Variants in TBX3 observed in about 807,000 individuals in gnomAD.
The protein encoded by TBX3 is T-box transcription factor 3.
TBX3 carries 11 observed loss-of-function variants against 47.8 expected under a neutral mutation model. The observed-to-expected ratio is 0.23, with a 90% CI of 0.14 to 0.38. The LOEUF (loss-of-function observed/expected upper bound fraction) is 0.38, where lower values mean the gene tolerates loss of function less well. Among genes scored for constraint, TBX3 ranks in the 10% least tolerant of loss-of-function variants. The pLI is 1.00. For synonymous variants in TBX3, 500 were observed against 449.3 expected (o/e 1.11, Z -1.43); for missense variants, 927 against 1,022.8 (o/e 0.91, Z 1.28).
intron 5 of TBX3, among the ~76,000 whole-genome samples, chr12:114,675,627 G>A (rs997168991): frequency 1.5e-5 from 2 of 134,590 alleles, no homozygotes; most frequent in Admixed American, 8.2e-5. Flanking sequence ...GTTTCTTCCC[G>A]TTGAGAGTGT....
intron 2 of TBX3, 23 bp downstream of exon 2, chr12:114,680,856 C>T (rs2121152842): frequency 1.1e-5 from 18 of 1,614,104 alleles, no homozygotes; most frequent in Middle Eastern, 1.6e-4. Flanking sequence ...GAAAATTTTA[C>T]TGAAGAGAGC....
chr12:114,674,886 T>C (rs1868640303), intron 5 of TBX3, 51 bp from the exon 6 acceptor site: 3 of 1,538,556 alleles, frequency 1.9e-6, no homozygotes, highest in African/African-American at 1.4e-5. Context: ...ATCTCCAGTA[T>C]GAGCCAACGG....
In TBX3 at chr12:114,680,992, T is replaced by C. The variant is rs945423833; in HGVS notation, c.544A>G (p.Lys182Glu). 1.9e-5 allele frequency: 30 copies of C among 1,614,052 alleles called. No individual in the cohort carries two copies. Among genetic ancestry groups the C allele is most frequent in the Non-Finnish European group, 2.5e-5 (29 of 1,180,046 alleles). Reference sequence around the variant, plus strand: ...CTGTCCGGGTGAATGTACATCCTCTTTGGCATTTCGGGGTCGGCCTTACCA... The same window carrying C: ...CTGTCCGGGTGAATGTACATCCTCTCTGGCATTTCGGGGTCGGCCTTACCA... ...VAGKADPEMPKRMYIHPDSPA... is the reference protein window; with the variant it reads ...VAGKADPEMPERMYIHPDSPA... Residue 182 changes from lysine (K) to glutamate (E), a missense_variant, in exon 2 of 7, where the codon AAG (lysine) becomes GAG (glutamate). This residue lies in a region of TBX3 where 216 missense variants were observed against 281.2 expected (regional missense o/e 0.77). Transcript: ENST00000349155.
chr12:114,673,384 T>TC (rs929331702), intron 6 of TBX3, among the ~76,000 whole-genome samples: 2 of 151,848 alleles, frequency 1.3e-5, no homozygotes, highest in African/African-American at 4.8e-5. Flanking sequence ...GCCTGAGACC[T>TC]CCCCCCAGCA....
intron 2 of TBX3, 150 bp from the exon 3 acceptor site, chr12:114,679,801 T>A: frequency 6.5e-7 from 1 of 1,530,628 alleles, no homozygotes; most frequent in Admixed American, 1.7e-5. Context: ...CCTGGGTACG[T>A]TTCGCTCCAC....
intron 1 of TBX3, 78 bp from the exon 2 acceptor site, chr12:114,681,224 T>C: frequency 1.3e-6 from 2 of 1,573,646 alleles, no homozygotes; most frequent in South Asian, 1.1e-5. Context: ...ATGTATCACA[T>C]AATATTGAAA....
Position 114,680,975 on chromosome 12 carries a change from G to A in TBX3, c.561C>T (p.His187=), listed in dbSNP as rs760101710. The change falls in exon 2 of 7, where the codon CAC becomes CAT. Residue 187 remains histidine (H), a synonymous_variant. Coordinates refer to ENST00000349155, the MANE Select transcript of TBX3 (RefSeq NM_005996.4). ...GTTCCCCAGTAGCGGGGCTGTCCGG[G>A]TGAATGTACATCCTCTTTGGCATTT... The part of the protein sequence containing the change: ...DPEMPKRMYI[H]PDSPATGEQW... The A allele has an allele frequency of 1.2e-6, 2 of 1,614,112 alleles. No individual in the cohort carries two copies. Among genetic ancestry groups the A allele is most frequent in the Admixed American group, 1.7e-5 (1 of 60,010 alleles).
intron 4 of TBX3, among the ~76,000 whole-genome samples, chr12:114,677,290 CTTAAA>C (rs1441347430): frequency 6.6e-6 from 1 of 152,194 alleles, no homozygotes; most frequent in Non-Finnish European, 1.5e-5. Context: ...CTAGGATGAA[CTTAAA>C]TTAATTAGGA....
At chr12:114,682,308 G>T (rs1362619650) in intron 1 of TBX3, among the ~76,000 whole-genome samples, 1 of 152,138 alleles carries the variant, frequency 6.6e-6, no homozygotes, top group Non-Finnish European at 1.5e-5. Context: ...TCTCTGACCA[G>T]GGCAGCAGCA....
chr12:114,677,212 A>G (rs897224866), intron 4 of TBX3, among the ~76,000 whole-genome samples: 2 of 152,208 alleles, frequency 1.3e-5, no homozygotes, highest in South Asian at 2.1e-4. Flanking sequence ...GTCTGATGGT[A>G]TTTGGAAGAC....
intron 5 of TBX3, 82 bp from the exon 6 acceptor site, chr12:114,674,917 A>C (rs1868641535): frequency 6.6e-7 from 1 of 1,519,680 alleles, no homozygotes; most frequent in Non-Finnish European, 8.8e-7. Context: ...CCCAAGTTGG[A>C]ATCCCAGCTC....
intron 1 of TBX3, 44 bp from the exon 2 acceptor site, chr12:114,681,190 C>T (rs757272481): frequency 4.3e-6 from 7 of 1,610,668 alleles, no homozygotes; most frequent in Non-Finnish European, 5.9e-6. Flanking sequence ...GATAAACCAC[C>T]CGTAATCTTG....
chr12:114,683,262 GT>G lies in TBX3; in HGVS notation c.-63del, dbSNP rs542734700. 5 of 1,586,416 alleles carry G rather than the reference GT, an allele frequency of 3.2e-6. No individual in the cohort carries two copies. The highest frequency in any genetic ancestry group is 4.3e-6 in the Non-Finnish European group (5 of 1,163,580). ...AAGTCCGCAGCTGCTGTGTTTTGTT[GT>G]TTTTTTGTTGTTGTTTAACAGCAGC... On this transcript the variant is annotated 5_prime_UTR_variant, in exon 1 of 7. Transcript: ENST00000349155. This position sits in a 1 kb window ranked among gnomAD's most constrained non-coding sequence, Gnocchi z 7.7.
Position 114,672,182 on chromosome 12 carries a change from G to T in TBX3, c.1831C>A (p.Leu611Met), listed in dbSNP as rs769814877. Reference protein sequence around the residue: ...SSVHRHPFLNLNTMRPRLRYS... With the variant: ...SSVHRHPFLNMNTMRPRLRYS... Reference sequence around the variant, plus strand: ...CGCAGCCGCGGGCGCATGGTGTTCAGATTGAGGAAGGGGTGGCGGTGCACC... The same window carrying T: ...CGCAGCCGCGGGCGCATGGTGTTCATATTGAGGAAGGGGTGGCGGTGCACC... The change falls in exon 7 of 7, where the codon CTG becomes ATG. Residue 611 changes from leucine to methionine, a missense_variant. Around this residue, in one of 5 missense-constraint regions of TBX3, gnomAD observed 623 missense variants for 569.0 expected, o/e 1.09. Transcript: ENST00000349155. 4.7e-5 allele frequency: 74 copies of T among 1,572,888 alleles called. No homozygotes were observed. The South Asian group carries it at 8.2e-4, about 17-fold the overall frequency.
Position 114,676,442 on chromosome 12 carries a change from C to A in TBX3, c.910G>T (p.Val304Leu). The change falls in exon 5 of 7, where the codon GTG (valine) becomes TTG (leucine). Residue 304 changes from valine to leucine, a missense_variant. Around this residue, in one of 5 missense-constraint regions of TBX3, gnomAD observed 44 missense variants for 59.3 expected, o/e 0.74. Transcript: ENST00000349155. ...RKQLTLQSMR[V>L]FDERHKKENG... ...TCCTTTTTGTGTCTTTCATCAAACA[C>A]CCTCATGGACTGCAGGGTGAGCTGT... 1 of 1,614,220 alleles carries A rather than the reference C, an allele frequency of 6.2e-7. No homozygotes were observed. Among genetic ancestry groups the A allele is most frequent in the Non-Finnish European group, 8.5e-7 (1 of 1,180,038 alleles).
chr12:114,681,133 G>A lies in TBX3; in HGVS notation c.403C>T (p.Pro135Ser), dbSNP rs267603321. The A allele has an allele frequency of 1.2e-6, 2 of 1,613,708 alleles. No individual in the cohort carries two copies. Among genetic ancestry groups the A allele is most frequent in the Admixed American group, 3.3e-5 (2 of 59,954 alleles). The change falls in exon 2 of 7, where the codon CCA becomes TCA. Residue 135 changes from proline to serine, a missense_variant. Pro to Ser is a moderately conservative substitution (Grantham distance 74). This residue lies in a region of TBX3 where 216 missense variants were observed against 281.2 expected (regional missense o/e 0.77). Transcript: ENST00000349155. Reference protein sequence around the residue: ...ITKSGRRMFPPFKVRCSGLDK... With the variant: ...ITKSGRRMFPSFKVRCSGLDK... ...AGCCCAGAACATCTCACTTTAAATG[G>A]AGGAAACATTCGCCTATAAAACGAA...
At chr12:114,672,431 GTTGTGT>G in intron 6 of TBX3, 129 bp from the exon 7 acceptor site, 3 of 599,768 alleles carry the variant, frequency 5.0e-6, no homozygotes, top group East Asian at 4.2e-5. Flanking sequence ...TGTTGTTGTT[GTTGTGT>G]TTTTTTTTTT....
intron 6 of TBX3, among the ~76,000 whole-genome samples, 174 bp from the exon 7 acceptor site, chr12:114,672,476 G>A (rs1868494603): frequency 6.6e-6 from 1 of 151,282 alleles, no homozygotes. Flanking sequence ...GGGCAGGAGA[G>A]AAGTCAACAC....
intron 3 of TBX3, among the ~76,000 whole-genome samples, chr12:114,678,987 T>C (rs1198524046): frequency 6.6e-6 from 1 of 151,712 alleles, no homozygotes; most frequent in African/African-American, 2.4e-5. Context: ...TGCACACACA[T>C]GCACACACAC....
Sources: gnomAD v4.1 joint callset for allele counts (sites outside exome capture counted in the v4.1 genomes callset) on GRCh38, gnomAD v4.1.1 for gene constraint, gnomAD v4.1.1 regional missense constraint, Gnocchi (gnomAD v3.1) non-coding constraint, MANE v1.5 for transcripts, NCBI Gene and HGNC (gene_info 2026-07-23, HGNC 2026-07-21) for gene names.